The following VAV3 variants were observed in gnomAD, a reference collection of about 807,000 sequenced individuals.
VAV3 encodes vav guanine nucleotide exchange factor 3, also known as guanine nucleotide exchange factor VAV3.
Under a neutral mutation model 131.2 loss-of-function variants are expected in VAV3, and 94 were observed. The ratio of observed to expected loss-of-function variants is 0.72; its 90% CI spans 0.61 to 0.85. The LOEUF (loss-of-function observed/expected upper bound fraction) is 0.85. Ranked by LOEUF, VAV3 falls within the 40% of genes least tolerant of loss-of-function variation. The probability of loss-of-function intolerance (pLI) is 0.00; values close to 1 mark genes in which losing one functional copy is unlikely to be tolerated. For missense variants in VAV3, 939 were observed against 1,002.7 expected, an observed-to-expected ratio of 0.94 and a Z score of 0.86; for synonymous variants, 349 against 342.0, an observed-to-expected ratio of 1.02 and a Z score of -0.22.
At chr1:107,813,754 C>T (rs1296942152) in intron 2 of VAV3, among the ~76,000 whole-genome samples, 1 of 152,124 alleles carries the variant, frequency 6.6e-6, no homozygotes, top group African/African-American at 2.4e-5. Flanking sequence ...TCTTCAACCC[C>T]CACCCCCTAT....
In VAV3 at chr1:107,768,496, G is replaced by C. The variant is rs1664858107; in HGVS notation, c.662C>G (p.Pro221Arg). The change falls in exon 7 of 27, where the codon CCA becomes CGA. Residue 221 changes from proline (P) to arginine (R), a missense_variant. Pro to Arg is a moderately radical substitution (Grantham distance 103). Transcript: ENST00000370056. ...LESIEKYFMAPLKRFLTAAEF... is the reference protein window; with the variant it reads ...LESIEKYFMARLKRFLTAAEF... Reference sequence around the variant, plus strand: ...TGCTGCTGTCAGAAATCTTTTTAGTGGTGCCATGAAATACTACCAGGAAAG... The same window carrying C: ...TGCTGCTGTCAGAAATCTTTTTAGTCGTGCCATGAAATACTACCAGGAAAG... The C allele has an allele frequency of 2.5e-6, 4 of 1,611,644 alleles. No individual in the cohort carries two copies. In the East Asian group the frequency reaches 9.0e-5, roughly 36 times the overall value.
At chr1:107,722,132 C>T (rs796536813) in intron 15 of VAV3, among the ~76,000 whole-genome samples, 16 of 152,274 alleles carry the variant, frequency 1.1e-4, no homozygotes, top group African/African-American at 3.4e-4. Flanking sequence ...GTCAGTTGTG[C>T]TTAAGAGTTT....
chr1:107,700,394 A>T (rs750129514), intron 17 of VAV3, among the ~76,000 whole-genome samples: 1 of 152,214 alleles, frequency 6.6e-6, no homozygotes, highest in Non-Finnish European at 1.5e-5. Context: ...GCACCTATCA[A>T]CGCATCACCT....
intron 2 of VAV3, among the ~76,000 whole-genome samples, chr1:107,791,326 G>T (rs1666275372): frequency 6.6e-6 from 1 of 151,750 alleles, no homozygotes; most frequent in South Asian, 2.1e-4. Context: ...TTGTTTTCTA[G>T]GAGAACTGTG....
At chr1:107,860,613 A>G (rs1669694705) in intron 2 of VAV3, among the ~76,000 whole-genome samples, 1 of 151,574 alleles carries the variant, frequency 6.6e-6, no homozygotes, top group Non-Finnish European at 1.5e-5. Flanking sequence ...TCGATTTTAA[A>G]TTTCTTAACC....
chr1:107,834,889 G>A (rs1668403164), intron 2 of VAV3, among the ~76,000 whole-genome samples: 1 of 152,064 alleles, frequency 6.6e-6, no homozygotes, highest in African/African-American at 2.4e-5. Context: ...GGACCTCTGG[G>A]ATCCTAGCTA....
intron 10 of VAV3, among the ~76,000 whole-genome samples, chr1:107,758,423 T>C (rs1429006362): frequency 6.6e-6 from 1 of 151,984 alleles, no homozygotes; most frequent in Non-Finnish European, 1.5e-5. Flanking sequence ...AAATTAAAAA[T>C]TAGCTGGGCA....
At chr1:107,737,985 G>A (rs1662768769) in intron 15 of VAV3, among the ~76,000 whole-genome samples, 1 of 152,218 alleles carries the variant, frequency 6.6e-6, no homozygotes, top group Admixed American at 6.5e-5. Flanking sequence ...ACTGGATTAA[G>A]AGAATGTGGC....
At chr1:107,881,393 C>T (rs1271425253) in intron 1 of VAV3, among the ~76,000 whole-genome samples, 1 of 152,132 alleles carries the variant, frequency 6.6e-6, no homozygotes, top group Non-Finnish European at 1.5e-5. Flanking sequence ...GGAAGGATAG[C>T]AGGGCATTCA....
intron 1 of VAV3, among the ~76,000 whole-genome samples, chr1:107,913,838 C>T (rs762824902): frequency 8.5e-5 from 13 of 152,152 alleles, no homozygotes; most frequent in Non-Finnish European, 1.8e-4. Flanking sequence ...CTCTGTTGCC[C>T]AGGCTGGAGT....
At chr1:107,959,087 C>G (rs1389672180) in intron 1 of VAV3, among the ~76,000 whole-genome samples, 1 of 151,974 alleles carries the variant, frequency 6.6e-6, no homozygotes, top group Non-Finnish European at 1.5e-5. Context: ...CAAGGTAAAA[C>G]CCCGTCTCTA....
At chr1:107,664,264 TG>T (rs1213359991) in intron 19 of VAV3, among the ~76,000 whole-genome samples, 1 of 152,116 alleles carries the variant, frequency 6.6e-6, no homozygotes, top group East Asian at 1.9e-4. Context: ...ACATCTGCCA[TG>T]GTGGTTTGCT....
chr1:107,964,639 G>A (rs766849730), intron 1 of VAV3, 27 bp downstream of exon 1: 7 of 1,603,876 alleles, frequency 4.4e-6, no homozygotes, highest in Non-Finnish European at 6.0e-6. Flanking sequence ...CCGGCTGGAG[G>A]CGGGGCGCCC....
chr1:107,807,773 G>A (rs2102321641), intron 2 of VAV3, among the ~76,000 whole-genome samples: 1 of 152,226 alleles, frequency 6.6e-6, no homozygotes. Flanking sequence ...TGTAACTTAT[G>A]GCATGTTACT....
At chr1:107,606,551 A>G (rs1443517773) in intron 22 of VAV3, among the ~76,000 whole-genome samples, 2 of 152,084 alleles carry the variant, frequency 1.3e-5, no homozygotes, top group African/African-American at 4.8e-5. Context: ...TGCTACTTGA[A>G]TGCTGTATCC....
intron 2 of VAV3, among the ~76,000 whole-genome samples, chr1:107,822,451 G>A (rs1468068543): frequency 2.6e-5 from 4 of 151,924 alleles, no homozygotes; most frequent in East Asian, 1.9e-4. Flanking sequence ...TCAGGAGATC[G>A]AGACCATCCT....
At chr1:107,803,089 AT>A (rs1666903064) in intron 2 of VAV3, among the ~76,000 whole-genome samples, 2 of 151,920 alleles carry the variant, frequency 1.3e-5, no homozygotes, top group African/African-American at 4.8e-5. Context: ...GTGTCCAGGC[AT>A]TTATCTGTTT....
At chr1:107,583,739 C>T (rs1484447138) in intron 25 of VAV3, among the ~76,000 whole-genome samples, 1 of 151,940 alleles carries the variant, frequency 6.6e-6, no homozygotes, top group African/African-American at 2.4e-5. Context: ...CAAACCACTG[C>T]TCAATGAAAT....
At chr1:107,682,400 T>C (rs555073061) in intron 19 of VAV3, among the ~76,000 whole-genome samples, 3 of 152,246 alleles carry the variant, frequency 2.0e-5, no homozygotes, top group East Asian at 1.9e-4. Flanking sequence ...CTGAAAATAA[T>C]AGAGAAAGTC....
Sources: allele counts gnomAD v4.1 joint callset (sites outside exome capture counted in the v4.1 genomes callset), GRCh38; gene constraint gnomAD v4.1.1; transcripts MANE v1.5; gene names NCBI Gene and HGNC (gene_info 2026-07-23, HGNC 2026-07-21).